The following OR5H6 variants were observed in gnomAD, a reference collection of about 807,000 sequenced individuals.
The protein encoded by OR5H6 is olfactory receptor family 5 subfamily H member 6.
For synonymous variants in OR5H6, 151 were observed against 127.7 expected (o/e 1.18, Z -1.23); for missense variants, 429 against 358.1 (o/e 1.20, Z -1.60).
At position 98,265,072 on chromosome 3, in the gene OR5H6, C is replaced by T. The variant is rs762859767; in HGVS notation, c.740C>T (p.Ser247Phe). The T allele has an allele frequency of 6.2e-7, 1 of 1,612,750 alleles. No homozygotes were observed. Among genetic ancestry groups the T allele is most frequent in the Non-Finnish European group, 8.5e-7 (1 of 1,179,424 alleles). Residue 247 changes from serine (S) to phenylalanine (F), a missense_variant, in exon 1 of 1, where the codon TCT becomes TTT. By Grantham distance (155) the Ser-to-Phe change is radical (BLOSUM62 -2). Coordinates refer to ENST00000615035, the MANE Select transcript of OR5H6 (RefSeq NM_001005479.2). ...TCCACCTGTGGGGCTCATCTCTTAT[C>T]TGTATCTTTATACTATGGCCCCCTC... ...AVSTCGAHLL[S>F]VSLYYGPLTF...
Position 98,264,568 on chromosome 3 carries a change from C to A in OR5H6, c.236C>A (p.Pro79Gln). 1.2e-6 allele frequency: 2 copies of A among 1,612,496 alleles called. No individual in the cohort carries two copies. The highest frequency in any genetic ancestry group is 2.2e-5 in the South Asian group (2 of 91,048). ...VDASLSSTVT[P>Q]KMLINFLAKS... Reference sequence around the variant, plus strand: ...GCTTCGTTATCATCCACAGTGACTCCGAAGATGCTGATCAACTTCTTAGCT... The same window carrying A: ...GCTTCGTTATCATCCACAGTGACTCAGAAGATGCTGATCAACTTCTTAGCT... The change falls in exon 1 of 1, where the codon CCG becomes CAG. Residue 79 changes from proline to glutamine, a missense_variant. By Grantham distance (76) the Pro-to-Gln change is moderately conservative. Transcript: ENST00000615035.
rs1405471361 is a variant in OR5H6, at chr3:98,265,120, C to T, written c.788C>T (p.Ala263Val). The change falls in exon 1 of 1, where the codon GCA (alanine) becomes GTA (valine). Residue 263 changes from alanine to valine, a missense_variant. Coordinates refer to ENST00000615035, the MANE Select transcript of OR5H6 (RefSeq NM_001005479.2). ...GPLTFKYLGS[A>V]SPQADDQDMM... Reference sequence around the variant, plus strand: ...CTCACCTTCAAATATCTGGGCTCTGCATCTCCGCAAGCAGATGACCAAGAT... The same window carrying T: ...CTCACCTTCAAATATCTGGGCTCTGTATCTCCGCAAGCAGATGACCAAGAT... 6.2e-7 allele frequency: 1 copy of T among 1,613,146 alleles called. No homozygotes were observed. Among genetic ancestry groups the T allele is most frequent in the Non-Finnish European group, 8.5e-7 (1 of 1,179,484 alleles).
At position 98,265,246 on chromosome 3, in the gene OR5H6, T is replaced by C; in HGVS notation, c.914T>C (p.Phe305Ser). 1 of 1,582,304 alleles carries C rather than the reference T, an allele frequency of 6.3e-7. No homozygotes were observed. Among genetic ancestry groups the C allele is most frequent in the Non-Finnish European group, 8.6e-7 (1 of 1,167,552 alleles). Residue 305 changes from phenylalanine (F) to serine (S), a missense_variant, in exon 1 of 1, where the codon TTC becomes TCC. Phe to Ser is a radical substitution (Grantham distance 155). Transcript: ENST00000615035. ...GTAATAGCTTCATTCACAAAAATGT[T>C]CAAAAGCAATGTTTAGATCTCATAC... ...KQVIASFTKM[F>S]KSNV is the part of the protein sequence containing the mutation.
At position 98,265,106 on chromosome 3, in the gene OR5H6, A is replaced by C. The variant is rs1412200209; in HGVS notation, c.774A>C (p.Lys258Asn). The change falls in exon 1 of 1, where the codon AAA becomes AAC. Residue 258 changes from lysine to asparagine, a missense_variant. Coordinates refer to ENST00000615035, the MANE Select transcript of OR5H6 (RefSeq NM_001005479.2). Reference protein sequence around the residue: ...VSLYYGPLTFKYLGSASPQAD... With the variant: ...VSLYYGPLTFNYLGSASPQAD... The stretch of plus-strand genomic sequence containing the variant: ...TATACTATGGCCCCCTCACCTTCAA[A>C]TATCTGGGCTCTGCATCTCCGCAAG... 1 of 1,613,040 alleles carries C rather than the reference A, an allele frequency of 6.2e-7. No homozygotes were observed. Among genetic ancestry groups the C allele is most frequent in the South Asian group, 1.1e-5 (1 of 91,026 alleles).
rs1317599108 is a variant in OR5H6, at chr3:98,264,813, GC to G, written c.482del (p.Ala161ValfsTer6). The G allele has an allele frequency of 6.2e-6, 10 of 1,610,132 alleles. No individual in the cohort carries two copies. Among genetic ancestry groups the G allele is most frequent in the Non-Finnish European group, 6.8e-6 (8 of 1,178,428 alleles). On this transcript the variant is annotated frameshift_variant, in exon 1 of 1. Coordinates refer to ENST00000615035, the MANE Select transcript of OR5H6 (RefSeq NM_001005479.2). LOFTEE classifies it low-confidence loss of function (END_TRUNC). The stretch of plus-strand genomic sequence containing the variant: ...CCTTCTTCATGCTTTAATCCATGAA[GC>G]TTTTTCATTCAGATTAACCTTCTGT... ...GGLLHALIHE[A>X]FSFRLTFCNS...
At position 98,265,274 on chromosome 3, in the gene OR5H6, T is replaced by C. The variant is rs764554598; in HGVS notation, c.*12T>C. 1.9e-6 allele frequency: 3 copies of C among 1,544,560 alleles called. No homozygotes were observed. Among genetic ancestry groups the C allele is most frequent in the African/African-American group, 2.8e-5 (2 of 72,396 alleles). On this transcript the variant is annotated 3_prime_UTR_variant, in exon 1 of 1. Coordinates refer to ENST00000615035, the MANE Select transcript of OR5H6 (RefSeq NM_001005479.2). ...AAAGCAATGTTTAGATCTCATACAA[T>C]CTCTCTTCTCTATTTACTAAAATTG...
rs772688796 is a variant in OR5H6 at position 98,265,156 on chromosome 3, C to T, written c.824C>T (p.Ser275Phe). 6 of 1,613,156 alleles carry T rather than the reference C, an allele frequency of 3.7e-6. No individual in the cohort carries two copies. The highest frequency in any genetic ancestry group is 2.7e-5 in the African/African-American group (2 of 74,980). The change falls in exon 1 of 1, where the codon TCT becomes TTT. Residue 275 changes from serine to phenylalanine, a missense_variant. Ser to Phe is a radical substitution (Grantham distance 155, BLOSUM62 -2). Coordinates refer to ENST00000615035, the MANE Select transcript of OR5H6 (RefSeq NM_001005479.2). The stretch of plus-strand genomic sequence containing the variant: ...GCAGATGACCAAGATATGATGGAGT[C>T]TCTATTTTACACTGTCATAGTTCCT... ...PQADDQDMME[S>F]LFYTVIVPLL...
rs370790170 is a variant in OR5H6 at position 98,264,260 on chromosome 3, A to G, written c.-73A>G. ...AGTTTATTTCAACACCTCTTCCCCA[A>G]TTTCAACTCACAATTCCATTGCAAA... On this transcript the variant is annotated 5_prime_UTR_variant, in exon 1 of 1. Transcript: ENST00000615035. 3.8e-6 allele frequency: 6 copies of G among 1,588,908 alleles called. No individual in the cohort carries two copies. Among genetic ancestry groups the G allele is most frequent in the East Asian group, 4.5e-5 (2 of 44,648 alleles).
In OR5H6 at chr3:98,264,635, T is replaced by G; in HGVS notation, c.303T>G (p.Phe101Leu). The change falls in exon 1 of 1, where the codon TTT becomes TTG. Residue 101 changes from phenylalanine to leucine, a missense_variant. Physicochemically the swap from Phe to Leu is conservative, Grantham distance 22. Coordinates refer to ENST00000615035, the MANE Select transcript of OR5H6 (RefSeq NM_001005479.2). The part of the protein sequence containing the change: ...MISLSECMVQ[F>L]FSLVTTVTTE... ...CTCTCTCTGAATGCATGGTACAATT[T>G]TTTTCCCTTGTAACCACTGTAACCA... is the stretch of plus-strand genomic sequence containing the variant. The G allele has an allele frequency of 1.3e-6, 2 of 1,583,528 alleles. No individual in the cohort carries two copies. The highest frequency in any genetic ancestry group is 2.2e-5 in the East Asian group (1 of 44,792).
rs755681204 is a variant in OR5H6, at chr3:98,264,406, T to C, written c.74T>C (p.Ile25Thr). The change falls in exon 1 of 1, where the codon ATA becomes ACA. Residue 25 changes from isoleucine to threonine, a missense_variant. Physicochemically the swap from Ile to Thr is moderately conservative, Grantham distance 89 (BLOSUM62 -1). Transcript: ENST00000615035. The stretch of plus-strand genomic sequence containing the variant: ...TTTTTACATCAACCTGACTGTAAAA[T>C]ACCGCTCTTCCTGGCATTCTTGGTA... ...TGFLHQPDCKIPLFLAFLVIY... is the reference protein window; with the variant it reads ...TGFLHQPDCKTPLFLAFLVIY... 2.5e-6 allele frequency: 4 copies of C among 1,612,940 alleles called. No individual in the cohort carries two copies. Among genetic ancestry groups the C allele is most frequent in the Admixed American group, 3.3e-5 (2 of 59,972 alleles).
chr3:98,264,963 A>C lies in OR5H6; in HGVS notation c.631A>C (p.Ile211Leu). Residue 211 changes from isoleucine to leucine, a missense_variant, in exon 1 of 1, where the codon ATT (isoleucine) becomes CTT (leucine). Physicochemically the swap from Ile to Leu is conservative, Grantham distance 5. Coordinates refer to ENST00000615035, the MANE Select transcript of OR5H6 (RefSeq NM_001005479.2). ...IFAGSVQVFTIGTILISYTII... is the reference protein window; with the variant it reads ...IFAGSVQVFTLGTILISYTII... Reference sequence around the variant, plus strand: ...CGCAGGTTCTGTTCAAGTTTTTACCATTGGAACTATTCTTATATCTTATAC... The same window carrying C: ...CGCAGGTTCTGTTCAAGTTTTTACCCTTGGAACTATTCTTATATCTTATAC... The C allele has an allele frequency of 2.5e-6, 4 of 1,608,392 alleles. No homozygotes were observed. The highest frequency in any genetic ancestry group is 3.4e-6 in the Non-Finnish European group (4 of 1,177,696).
rs1705882111 is a variant in OR5H6, at chr3:98,265,354, T to C, written c.*92T>C. Reference sequence around the variant, plus strand: ...ATGTCTTGCCAGCATTCAAAGATGATGCAAAGTCCTAGCACTTTAATGGCC... The same window carrying C: ...ATGTCTTGCCAGCATTCAAAGATGACGCAAAGTCCTAGCACTTTAATGGCC... On this transcript the variant is annotated 3_prime_UTR_variant, in exon 1 of 1. Coordinates refer to ENST00000615035, the MANE Select transcript of OR5H6 (RefSeq NM_001005479.2). The C allele has an allele frequency of 7.4e-7, 1 of 1,345,942 alleles. No individual in the cohort carries two copies. The allele number at this position is 1,345,942 out of a possible 1,614,324, so 83.4% of individuals were successfully genotyped here. A position where few individuals can be genotyped will look rare whatever the true frequency, so the allele number is the denominator to read the frequency against.
In OR5H6 at chr3:98,264,318, A is replaced by G. The variant is rs1225727014; in HGVS notation, c.-15A>G. The G allele has an allele frequency of 1.2e-6, 2 of 1,612,636 alleles. No homozygotes were observed. The highest frequency in any genetic ancestry group is 1.7e-5 in the Admixed American group (1 of 59,930). On this transcript the variant is annotated 5_prime_UTR_variant, in exon 1 of 1. Transcript: ENST00000615035. ...TTACCTTTGCTTCATTTTTCAGAGG[A>G]CATGCAGTGAGGAGATGGAAGAGGA...
Position 98,265,137 on chromosome 3 carries a change from G to C in OR5H6, c.805G>C (p.Asp269His), listed in dbSNP as rs9871143. The change falls in exon 1 of 1, where the codon GAC (aspartate) becomes CAC (histidine). Residue 269 changes from aspartate (D) to histidine (H), a missense_variant. Physicochemically the swap from Asp to His is moderately conservative, Grantham distance 81. Transcript: ENST00000615035. The stretch of plus-strand genomic sequence containing the variant: ...GGGCTCTGCATCTCCGCAAGCAGAT[G>C]ACCAAGATATGATGGAGTCTCTATT... ...YLGSASPQAD[D>H]QDMMESLFYT... 2 of 1,612,404 alleles carry C rather than the reference G, an allele frequency of 1.2e-6. No homozygotes were observed. Among genetic ancestry groups the C allele is most frequent in the Admixed American group, 3.3e-5 (2 of 59,898 alleles).
Position 98,264,418 on chromosome 3 carries a change from T to G in OR5H6, c.86T>G (p.Leu29Arg). The change falls in exon 1 of 1, where the codon CTG becomes CGG. Residue 29 changes from leucine to arginine, a missense_variant. Leu to Arg is a moderately radical substitution (Grantham distance 102). Coordinates refer to ENST00000615035, the MANE Select transcript of OR5H6 (RefSeq NM_001005479.2). ...HQPDCKIPLF[L>R]AFLVIYLITI... ...CCTGACTGTAAAATACCGCTCTTCC[T>G]GGCATTCTTGGTAATATATCTCATC... The G allele has an allele frequency of 2.5e-6, 4 of 1,612,886 alleles. No homozygotes were observed. Among genetic ancestry groups the G allele is most frequent in the Non-Finnish European group, 3.4e-6 (4 of 1,178,958 alleles).
In OR5H6 at chr3:98,264,773, G is replaced by C; in HGVS notation, c.441G>C (p.Leu147Phe). ...AACTATGCATTCAGCTATTAGTCTT[G>C]TCATTTATAGGTGGCCTTCTTCATG... ...TNELCIQLLV[L>F]SFIGGLLHAL... is the part of the protein sequence containing the mutation. Residue 147 changes from leucine to phenylalanine, a missense_variant, in exon 1 of 1, where the codon TTG becomes TTC. Leu to Phe is a conservative substitution (Grantham distance 22). Coordinates refer to ENST00000615035, the MANE Select transcript of OR5H6 (RefSeq NM_001005479.2). 6.2e-7 allele frequency: 1 copy of C among 1,612,986 alleles called. No individual in the cohort carries two copies. The highest frequency in any genetic ancestry group is 1.7e-5 in the Admixed American group (1 of 59,946).
Position 98,264,351 on chromosome 3 carries a change from A to G in OR5H6, c.19A>G (p.Thr7Ala). Reference sequence around the variant, plus strand: ...TGAGGAGATGGAAGAGGAAAATGCAACATTGCTGACAGAGTTTGTTCTCAC... The same window carrying G: ...TGAGGAGATGGAAGAGGAAAATGCAGCATTGCTGACAGAGTTTGTTCTCAC... MEEENATLLTEFVLTGF... is the reference protein window; with the variant it reads MEEENAALLTEFVLTGF... Residue 7 changes from threonine to alanine, a missense_variant, in exon 1 of 1, where the codon ACA (threonine) becomes GCA (alanine). Coordinates refer to ENST00000615035, the MANE Select transcript of OR5H6 (RefSeq NM_001005479.2). 5 of 1,613,054 alleles carry G rather than the reference A, an allele frequency of 3.1e-6. No individual in the cohort carries two copies. The highest frequency in any genetic ancestry group is 1.3e-5 in the African/African-American group (1 of 74,980).
rs1359679403 is a variant in OR5H6, at chr3:98,265,147, T to G, written c.815T>G (p.Met272Arg). Residue 272 changes from methionine to arginine, a missense_variant, in exon 1 of 1, where the codon ATG (methionine) becomes AGG (arginine). Physicochemically the swap from Met to Arg is moderately conservative, Grantham distance 91 (BLOSUM62 -1). Coordinates refer to ENST00000615035, the MANE Select transcript of OR5H6 (RefSeq NM_001005479.2). ...SASPQADDQD[M>R]MESLFYTVIV... ...TCTCCGCAAGCAGATGACCAAGATA[T>G]GATGGAGTCTCTATTTTACACTGTC... 1 of 1,613,144 alleles carries G rather than the reference T, an allele frequency of 6.2e-7. No individual in the cohort carries two copies. The highest frequency in any genetic ancestry group is 8.5e-7 in the Non-Finnish European group (1 of 1,179,426).
chr3:98,265,008 T>C lies in OR5H6; in HGVS notation c.676T>C (p.Leu226=). Reference sequence around the variant, plus strand: ...TTATACAATTATCCTCTTTACAATCTTAGAAAAGAAGTCTATCAAAGGGAT... The same window carrying C: ...TTATACAATTATCCTCTTTACAATCCTAGAAAAGAAGTCTATCAAAGGGAT... ...ISYTIILFTI[L]EKKSIKGIRK... Residue 226 remains leucine, a synonymous_variant, in exon 1 of 1, where the codon TTA becomes CTA. Coordinates refer to ENST00000615035, the MANE Select transcript of OR5H6 (RefSeq NM_001005479.2). 6 of 1,612,902 alleles carry C rather than the reference T, an allele frequency of 3.7e-6. No homozygotes were observed. Among genetic ancestry groups the C allele is most frequent in the Non-Finnish European group, 5.1e-6 (6 of 1,179,272 alleles).
Sources: gnomAD v4.1 joint callset for allele counts on GRCh38, gnomAD v4.1.1 for gene constraint, MANE v1.5 for transcripts, NCBI Gene and HGNC (gene_info 2026-07-23, HGNC 2026-07-21) for gene names.